Variants in SBK1 observed in about 807,000 individuals in gnomAD.
SBK1 encodes SH3 domain binding kinase 1, also known as serine/threonine-protein kinase SBK1.
A neutral mutation model predicts 24.4 loss-of-function variants in SBK1; 11 were observed. The ratio of observed to expected loss-of-function variants is 0.45; its 90% confidence interval spans 0.28 to 0.75. The LOEUF (loss-of-function observed/expected upper bound fraction) is 0.75. SBK1 is among the 30% of genes least tolerant of loss of function. SBK1 has a pLI of 0.12. For synonymous variants in SBK1, 308 were observed against 284.4 expected, an observed-to-expected ratio of 1.08 and a Z score of -0.83; for missense variants, 467 against 620.5, an observed-to-expected ratio of 0.75 and a Z score of 2.63.
rs972688429 is a variant in SBK1, at chr16:28,293,189, C to G, written c.-119C>G. On this transcript the variant is annotated 5_prime_UTR_variant, in exon 1 of 4. Coordinates refer to ENST00000341901, the MANE Select transcript of SBK1 (RefSeq NM_001024401.3). Reference sequence around the variant, plus strand: ...TGGGCGACTGAGCCCCTGGCGGCACCGCTTGCACCCCGGTCCATGGTCGTG... The same window carrying G: ...TGGGCGACTGAGCCCCTGGCGGCACGGCTTGCACCCCGGTCCATGGTCGTG... 4 of 985,508 alleles carry G rather than the reference C, an allele frequency of 4.1e-6. No individual in the cohort carries two copies. In the East Asian group the frequency reaches 4.5e-4, roughly 112 times the overall value. The allele number at this position is 985,508 out of a possible 1,614,324, so 61.0% of individuals were successfully genotyped here.
At chr16:28,302,529 A>G (rs1480452392) in intron 1 of SBK1, among the ~76,000 whole-genome samples, 3 of 152,108 alleles carry the variant, frequency 2.0e-5, no homozygotes, top group African/African-American at 7.2e-5. Context: ...GTGGGAATTC[A>G]GGGGGCAGTT....
Position 28,283,669 on chromosome 16 carries a change from A to G in SBK1, c.257+24167A>G, listed in dbSNP as rs1234943160. Among the ~76,000 whole-genome samples, 4 of 152,178 alleles carry G rather than the reference A, an allele frequency of 2.6e-5. 1 individual carries two copies. Among genetic ancestry groups the G allele is most frequent in the Admixed American group, 6.5e-5 (1 of 15,274 alleles). On this transcript the variant is annotated intron_variant, in intron 1 of 3. Transcript: ENST00000671413. Reference sequence around the variant, plus strand: ...CCCACCATTGGAACCCCTAATGGGTAGGGAAGGATGTATCAGGGAATGTGG... The same window carrying G: ...CCCACCATTGGAACCCCTAATGGGTGGGGAAGGATGTATCAGGGAATGTGG...
At chr16:28,277,879 T>A (rs1172169906) in intron 1 of SBK1, among the ~76,000 whole-genome samples, 1 of 152,238 alleles carries the variant, frequency 6.6e-6, no homozygotes, top group Non-Finnish European at 1.5e-5. Flanking sequence ...AGAGGGCGTG[T>A]TGTGCTCACA....
intron 1 of SBK1, among the ~76,000 whole-genome samples, chr16:28,283,082 A>G (rs1212976171): frequency 6.6e-6 from 1 of 151,884 alleles, no homozygotes; most frequent in Non-Finnish European, 1.5e-5. Context: ...ACAGGTGTGC[A>G]CCACCACACC....
intron 1 of SBK1, among the ~76,000 whole-genome samples, chr16:28,279,668 C>T (rs2044517616): frequency 1.3e-5 from 2 of 152,022 alleles, no homozygotes; most frequent in African/African-American, 4.8e-5. Context: ...GCCCAGGGGC[C>T]CCAGGGACAG....
rs1290885145 is a variant in SBK1, at chr16:28,322,919, GCTCTCTCTCT to G, written c.*2000_*2009del. The G allele has an allele frequency of 1.0e-3, 60 of 58,128 alleles. 1 individual carries two copies. The highest frequency in any genetic ancestry group is 1.4e-3 in the Non-Finnish European group (37 of 25,740). 3.6% of individuals were successfully genotyped at this position (58,128 alleles called of 1,614,324 possible). ...CGTGCTCGCTCTCTCTCTCGCGCGCGCTCTCTCTCTCCCTCTCTCTCTCTCTCTCTCTCTC... is the reference window on the plus strand; with the variant it reads ...CGTGCTCGCTCTCTCTCTCGCGCGCGCCCTCTCTCTCTCTCTCTCTCTCTC... On this transcript the variant is annotated 3_prime_UTR_variant, in exon 4 of 4. Transcript: ENST00000341901.
chr16:28,281,155 TC>T (rs1473029184), intron 1 of SBK1, among the ~76,000 whole-genome samples: 1 of 151,984 alleles, frequency 6.6e-6, no homozygotes, highest in Non-Finnish European at 1.5e-5. Context: ...CCTCCATCTC[TC>T]CCCAGCCACT....
At chr16:28,308,806 T>A (rs2044734959) in intron 1 of SBK1, among the ~76,000 whole-genome samples, 1 of 147,956 alleles carries the variant, frequency 6.8e-6, no homozygotes, top group Admixed American at 6.8e-5. Flanking sequence ...TTGATAGAGA[T>A]GGGGTCCTCA....
At chr16:28,301,562 C>T (rs1295273195) in intron 1 of SBK1, among the ~76,000 whole-genome samples, 1 of 152,234 alleles carries the variant, frequency 6.6e-6, no homozygotes, top group African/African-American at 2.4e-5. Context: ...TCCTCCCAGG[C>T]TCCTCATGTG....
At chr16:28,265,437 T>C (rs2044422498) in intron 1 of SBK1, among the ~76,000 whole-genome samples, 2 of 150,968 alleles carry the variant, frequency 1.3e-5, no homozygotes, top group South Asian at 2.1e-4. Context: ...AAATAAATAC[T>C]AGCCGGGCAT....
intron 1 of SBK1, among the ~76,000 whole-genome samples, chr16:28,261,295 T>C (rs765586396): frequency 6.6e-6 from 1 of 152,102 alleles, no homozygotes. Flanking sequence ...GAATATGACA[T>C]TGAAAGATAG....
chr16:28,319,956 A>G lies in SBK1; in HGVS notation c.430-120A>G. 4.0e-6 allele frequency: 4 copies of G among 991,024 alleles called. No homozygotes were observed. Among genetic ancestry groups the G allele is most frequent in the Non-Finnish European group, 5.6e-6 (4 of 710,930 alleles). 61.4% of individuals were successfully genotyped at this position (991,024 alleles called of 1,614,324 possible). A position where few individuals can be genotyped will look rare whatever the true frequency, so the allele number is the denominator to read the frequency against. ...CGGGCCGCGTCTGCGCGGTCGCCCC[A>G]GTTACTGGGGACAGGGTGGGAGGCG... On this transcript the variant is annotated intron_variant, in intron 3 of 3. Transcript: ENST00000341901. The surrounding 1 kb of genome is among the most constrained non-coding windows in gnomAD (Gnocchi z 4.0).
intron 1 of SBK1, among the ~76,000 whole-genome samples, chr16:28,272,261 A>T (rs529643734): frequency 6.6e-6 from 1 of 152,000 alleles, no homozygotes; most frequent in East Asian, 1.9e-4. Context: ...ATAGGGACAG[A>T]GTTTCGCTAT....
chr16:28,266,871 G>A (rs532057737), intron 1 of SBK1, among the ~76,000 whole-genome samples: 13 of 151,614 alleles, frequency 8.6e-5, no homozygotes, highest in African/African-American at 3.1e-4. Context: ...CCCCCAAGTA[G>A]CTGGGACTAC....
At chr16:28,274,801 C>T (rs1433675963) in intron 1 of SBK1, among the ~76,000 whole-genome samples, 1 of 151,982 alleles carries the variant, frequency 6.6e-6, no homozygotes, top group African/African-American at 2.4e-5. Flanking sequence ...TAAACATTTC[C>T]AGTCTTACCA....
intron 1 of SBK1, among the ~76,000 whole-genome samples, chr16:28,309,728 A>AT (rs1349378239): frequency 6.6e-6 from 1 of 152,146 alleles, no homozygotes; most frequent in African/African-American, 2.4e-5. Context: ...GAAACCTTTT[A>AT]TTTTTTAAAA....
intron 1 of SBK1, among the ~76,000 whole-genome samples, chr16:28,273,525 T>C (rs1157338545): frequency 1.3e-5 from 2 of 151,674 alleles, no homozygotes; most frequent in African/African-American, 4.8e-5. Flanking sequence ...TGCCCGGCCA[T>C]AGGTTGTCTT....
chr16:28,270,824 C>T (rs1304220905), intron 1 of SBK1, among the ~76,000 whole-genome samples: 3 of 150,848 alleles, frequency 2.0e-5, no homozygotes, highest in African/African-American at 4.9e-5. Context: ...ACCTCCTATG[C>T]ACCCTTTCTT....
chr16:28,263,336 C>G (rs1360058904), intron 1 of SBK1, among the ~76,000 whole-genome samples: 1 of 152,188 alleles, frequency 6.6e-6, no homozygotes, highest in African/African-American at 2.4e-5. Context: ...GTTCAAAGCC[C>G]ATTGTGAAGG....
Sources: allele counts gnomAD v4.1 joint callset (sites outside exome capture counted in the v4.1 genomes callset), GRCh38; gene constraint gnomAD v4.1.1; non-coding constraint Gnocchi (gnomAD v3.1); transcripts MANE v1.5; gene names NCBI Gene and HGNC (gene_info 2026-07-23, HGNC 2026-07-21).